The following BMP8A variants were observed in gnomAD, a reference collection of about 807,000 sequenced individuals.
The protein encoded by BMP8A is BMP-8A.
Under a neutral mutation model 36.8 loss-of-function variants are expected in BMP8A, and 14 were observed. The ratio of observed to expected loss-of-function variants is 0.38; its 90% CI spans 0.25 to 0.60. The LOEUF (loss-of-function observed/expected upper bound fraction) is 0.60. BMP8A is among the 20% of genes least tolerant of loss of function. The pLI is 0.63. For missense variants in BMP8A, 267 were observed against 551.1 expected, an observed-to-expected ratio of 0.48 and a Z score of 5.16; for synonymous variants, 120 against 237.7, an observed-to-expected ratio of 0.50 and a Z score of 4.55.
rs1418462967 is a variant in BMP8A at position 39,529,376 on chromosome 1, A to G, written c.*3578A>G. 1.3e-5 allele frequency among the ~76,000 whole-genome samples: 2 copies of G among 152,184 alleles called. No homozygotes were observed. The highest frequency in any genetic ancestry group is 4.8e-5 in the African/African-American group (2 of 41,442). On this transcript the variant is annotated 3_prime_UTR_variant, in exon 7 of 7. Coordinates refer to ENST00000331593, the MANE Select transcript of BMP8A (RefSeq NM_181809.4). ...GCCCTGCACACTCGCCTGCTCGTGG[A>G]AGGAGTCTGGGCCAGCAGTGACCCA...
At chr1:39,514,604 G>A (rs1426669538) in intron 3 of BMP8A, among the ~76,000 whole-genome samples, 2 of 151,754 alleles carry the variant, frequency 1.3e-5, no homozygotes, top group Non-Finnish European at 2.9e-5. Flanking sequence ...TTAATGAGCT[G>A]GGGAAGCTGG....
chr1:39,492,354 T>C, intron 1 of BMP8A, 29 bp downstream of exon 1: 10 of 1,521,688 alleles, frequency 6.6e-6, no homozygotes, highest in Non-Finnish European at 8.7e-6. Context: ...GCGGGGACCC[T>C]CGGAGTAAGC....
At chr1:39,517,177 T>G (rs1645400716) in intron 3 of BMP8A, among the ~76,000 whole-genome samples, 1 of 151,970 alleles carries the variant, frequency 6.6e-6, no homozygotes, top group Non-Finnish European at 1.5e-5. Flanking sequence ...TAAATTTATT[T>G]ATAGAAATGG....
intron 1 of BMP8A, among the ~76,000 whole-genome samples, chr1:39,506,977 C>T (rs1323521838): frequency 6.6e-6 from 1 of 152,208 alleles, no homozygotes; most frequent in Non-Finnish European, 1.5e-5. Flanking sequence ...ATAAAGCCTT[C>T]AGATCATGAG....
chr1:39,526,661 G>A lies in BMP8A; in HGVS notation c.*863G>A, dbSNP rs1422524850. Among the ~76,000 whole-genome samples, 1 of 152,186 alleles carries A rather than the reference G, an allele frequency of 6.6e-6. No homozygotes were observed. Among genetic ancestry groups the A allele is most frequent in the Admixed American group, 6.5e-5 (1 of 15,288 alleles). The stretch of plus-strand genomic sequence containing the variant: ...CCACTGGGGATATTTTATGTCATGT[G>A]TATTCCCTTGCCCTGGGCCTGCCCC... On this transcript the variant is annotated 3_prime_UTR_variant, in exon 7 of 7. Coordinates refer to ENST00000331593, the MANE Select transcript of BMP8A (RefSeq NM_181809.4).
rs759404714 is a variant in BMP8A, at chr1:39,492,341, C to T, written c.334+16C>T. ...GTCAACATGGGTGAGTGCGGCCGCC[C>T]GCGCGGGGACCCTCGGAGTAAGCTG... On this transcript the variant is annotated intron_variant, in intron 1 of 6. Transcript: ENST00000331593. The T allele has an allele frequency of 3.2e-6, 5 of 1,538,646 alleles. No homozygotes were observed. The highest frequency in any genetic ancestry group is 1.4e-5 in the African/African-American group (1 of 69,138).
chr1:39,503,568 G>A (rs924667080), intron 1 of BMP8A, among the ~76,000 whole-genome samples: 14 of 134,478 alleles, frequency 1.0e-4, no homozygotes, highest in Middle Eastern at 4.2e-3. Flanking sequence ...AGGCTGGAGT[G>A]CAGTCGTGCA....
In BMP8A at chr1:39,523,019, G is replaced by A. The variant is rs774222247; in HGVS notation, c.961G>A (p.Ala321Thr). Reference protein sequence around the residue: ...QDLGWLDWVIAPQGYSAYYCE... With the variant: ...QDLGWLDWVITPQGYSAYYCE... ...CCTTGCCCCCCAGGACTGGGTCATC[G>A]CCCCCCAAGGCTACTCAGCCTATTA... The change falls in exon 6 of 7, where the codon GCC (alanine) becomes ACC (threonine). Residue 321 changes from alanine (A) to threonine (T), a missense_variant. By Grantham distance (58) the Ala-to-Thr change is moderately conservative (BLOSUM62 0). Coordinates refer to ENST00000331593, the MANE Select transcript of BMP8A (RefSeq NM_181809.4). 9.3e-6 allele frequency: 15 copies of A among 1,610,340 alleles called. No individual in the cohort carries two copies. Among genetic ancestry groups the A allele is most frequent in the African/African-American group, 4.0e-5 (3 of 74,826 alleles).
At chr1:39,510,387 C>CA (rs201468966) in intron 1 of BMP8A, among the ~76,000 whole-genome samples, 25,047 of 128,664 alleles carry the variant, frequency 0.19, 2,814 homozygotes, top group Non-Finnish European at 0.26. Flanking sequence ...ACTTCCCCAG[C>CA]ACCTGACTGG....
chr1:39,522,995 C>T lies in BMP8A; in HGVS notation c.949-12C>T. The stretch of plus-strand genomic sequence containing the variant: ...CACATGGATGGGACTCACCTTCTCC[C>T]TTGCCCCCCAGGACTGGGTCATCGC... On this transcript the variant is annotated splice_polypyrimidine_tract_variant and intron_variant, in intron 5 of 6. Coordinates refer to ENST00000331593, the MANE Select transcript of BMP8A (RefSeq NM_181809.4). 6.3e-7 allele frequency: 1 copy of T among 1,595,260 alleles called. No individual in the cohort carries two copies. Among genetic ancestry groups the T allele is most frequent in the Non-Finnish European group, 8.6e-7 (1 of 1,169,240 alleles).
At chr1:39,509,299 A>G (rs951208099) in intron 1 of BMP8A, among the ~76,000 whole-genome samples, 3 of 152,214 alleles carry the variant, frequency 2.0e-5, no homozygotes, top group African/African-American at 4.8e-5. Flanking sequence ...TTACACAGCC[A>G]TGTAACACAG....
intron 1 of BMP8A, among the ~76,000 whole-genome samples, chr1:39,510,489 G>A (rs1336373093): frequency 1.4e-5 from 2 of 147,030 alleles, no homozygotes; most frequent in East Asian, 2.1e-4. Flanking sequence ...GAAAGGAAAC[G>A]TGGGTCTCCT....
At chr1:39,503,977 C>T (rs533784272) in intron 1 of BMP8A, among the ~76,000 whole-genome samples, 6 of 152,092 alleles carry the variant, frequency 3.9e-5, no homozygotes, top group East Asian at 1.9e-4. Flanking sequence ...ATTTTCCTCA[C>T]GATATTTATT....
In BMP8A at chr1:39,500,511, C is replaced by T. The variant is rs573252988; in HGVS notation, c.334+8186C>T. Among the ~76,000 whole-genome samples, 16 of 151,774 alleles carry T rather than the reference C, an allele frequency of 1.1e-4. No homozygotes were observed. In the East Asian group the frequency reaches 2.5e-3, roughly 24 times the overall value. On this transcript the variant is annotated intron_variant, in intron 1 of 6. Coordinates refer to ENST00000331593, the MANE Select transcript of BMP8A (RefSeq NM_181809.4). Reference sequence around the variant, plus strand: ...GTCAGTGGTGCCACAGTTGAGAAACCTGTTCAAGGTGACCCGTGTTTGATA... The same window carrying T: ...GTCAGTGGTGCCACAGTTGAGAAACTTGTTCAAGGTGACCCGTGTTTGATA...
At chr1:39,518,177 G>A (rs1270581009) in intron 3 of BMP8A, among the ~76,000 whole-genome samples, 4 of 152,096 alleles carry the variant, frequency 2.6e-5, no homozygotes, top group South Asian at 2.1e-4. Context: ...CACTGCATAA[G>A]TGTAGCTCTG....
At chr1:39,523,734 G>C in intron 6 of BMP8A, 1 of 1,329,444 alleles carries the variant, frequency 7.5e-7, no homozygotes, top group Non-Finnish European at 9.7e-7. Flanking sequence ...TGGGATCACT[G>C]GTGCTGCTCA....
At chr1:39,503,514 T>C (rs1439962761) in intron 1 of BMP8A, among the ~76,000 whole-genome samples, 1 of 135,388 alleles carries the variant, frequency 7.4e-6, no homozygotes, top group Admixed American at 7.3e-5. Flanking sequence ...CTTTCTTTTT[T>C]TTTTTTTTTT....
intron 3 of BMP8A, chr1:39,515,882 G>T: frequency 6.4e-7 from 1 of 1,571,412 alleles, no homozygotes; most frequent in Middle Eastern, 1.7e-4. Context: ...CGGCATGTAC[G>T]CCAATCTGGG....
chr1:39,502,246 AAAAAAG>A, intron 1 of BMP8A, among the ~76,000 whole-genome samples: 1 of 151,548 alleles, frequency 6.6e-6, no homozygotes, highest in Non-Finnish European at 1.5e-5. Flanking sequence ...AAAAAAAAAA[AAAAAAG>A]AAAAGGAAAC....
Sources: gnomAD v4.1 joint callset for allele counts (sites outside exome capture counted in the v4.1 genomes callset) on GRCh38, gnomAD v4.1.1 for gene constraint, MANE v1.5 for transcripts, NCBI Gene and HGNC (gene_info 2026-07-23, HGNC 2026-07-21) for gene names.